The following RBL1 variants were observed in gnomAD, a reference collection of about 807,000 sequenced individuals.
RBL1 encodes retinoblastoma-like protein 1.
Under a neutral mutation model 123.0 loss-of-function variants are expected in RBL1, and 82 were observed. The observed-to-expected ratio is 0.67, with a 90% CI of 0.56 to 0.80. RBL1 has a LOEUF of 0.80. RBL1 is among the 30% of genes least tolerant of loss of function. RBL1 has a pLI of 0.00. For missense variants in RBL1, 1,171 were observed against 1,299.6 expected (o/e 0.90, Z 1.52); for synonymous variants, 405 against 441.3 (o/e 0.92, Z 1.03).
intron 2 of RBL1, among the ~76,000 whole-genome samples, chr20:37,069,571 C>T (rs903706624): frequency 4.8e-5 from 7 of 145,712 alleles, no homozygotes; most frequent in Non-Finnish European, 7.9e-5. Context: ...CCGGCCGCCC[C>T]GTCTGAGAAG....
chr20:37,034,967 T>C (rs1166004451), intron 15 of RBL1, among the ~76,000 whole-genome samples: 1 of 152,112 alleles, frequency 6.6e-6, no homozygotes, highest in Non-Finnish European at 1.5e-5. Flanking sequence ...TCATCAACTG[T>C]AACAAATGTA....
In RBL1 at chr20:36,998,931, T is replaced by C; in HGVS notation, c.3037-2A>G. 6.2e-7 allele frequency: 1 copy of C among 1,609,208 alleles called. No homozygotes were observed. The highest frequency in any genetic ancestry group is 8.5e-7 in the Non-Finnish European group (1 of 1,177,900). Reference sequence around the variant, plus strand: ...CATGTTGTTGATATCTTTCAAACTCTGTGCAGAAATAGAGAACGTGTGTGA... The same window carrying C: ...CATGTTGTTGATATCTTTCAAACTCCGTGCAGAAATAGAGAACGTGTGTGA... On this transcript the variant is annotated splice_acceptor_variant, in intron 21 of 21. Transcript: ENST00000373664. LOFTEE classifies it high-confidence loss of function.
chr20:37,014,791 A>G (rs890735778), intron 19 of RBL1, among the ~76,000 whole-genome samples: 1 of 145,010 alleles, frequency 6.9e-6, no homozygotes, highest in Non-Finnish European at 1.5e-5. Context: ...GGTCAGGTGC[A>G]GTGGCTGACG....
chr20:37,087,614 A>G (rs1222451253), intron 2 of RBL1, among the ~76,000 whole-genome samples: 1 of 152,174 alleles, frequency 6.6e-6, no homozygotes, highest in East Asian at 1.9e-4. Flanking sequence ...AATTAAAGAA[A>G]GGGACAAAGT....
At chr20:37,092,494 G>C (rs745637651) in intron 1 of RBL1, among the ~76,000 whole-genome samples, 14 of 152,038 alleles carry the variant, frequency 9.2e-5, no homozygotes, top group Non-Finnish European at 1.8e-4. Context: ...TTAGCCTCTG[G>C]AGTAGCTGGG....
chr20:37,028,167 C>T (rs746385705), intron 16 of RBL1, among the ~76,000 whole-genome samples: 3 of 152,078 alleles, frequency 2.0e-5, no homozygotes, highest in Non-Finnish European at 4.4e-5. Flanking sequence ...GAGTTTGAGA[C>T]CAGGCTGGCC....
intron 16 of RBL1, among the ~76,000 whole-genome samples, chr20:37,026,179 A>G (rs1454831427): frequency 6.6e-6 from 1 of 152,234 alleles, no homozygotes; most frequent in Non-Finnish European, 1.5e-5. Flanking sequence ...AAATAAATAG[A>G]TAATCACTAT....
intron 20 of RBL1, among the ~76,000 whole-genome samples, chr20:37,004,448 C>T (rs1568812518): frequency 1.3e-5 from 2 of 150,904 alleles, no homozygotes; most frequent in South Asian, 2.1e-4. Flanking sequence ...CACAGTGGCT[C>T]ACACCTGTAA....
chr20:37,068,483 C>T (rs2065220012), intron 2 of RBL1, among the ~76,000 whole-genome samples: 1 of 151,616 alleles, frequency 6.6e-6, no homozygotes, highest in South Asian at 2.1e-4. Context: ...AAGACACTGT[C>T]TTACATGAAC....
chr20:37,066,706 T>G lies in RBL1; in HGVS notation c.846+18A>C. On this transcript the variant is annotated intron_variant, in intron 6 of 21. Coordinates refer to ENST00000373664, the MANE Select transcript of RBL1 (RefSeq NM_002895.5). ...GTGATCTGTAAACATCTCAGTCATCTAATTATAAGTACAGTACCTTCCTGT... is the reference window on the plus strand; with the variant it reads ...GTGATCTGTAAACATCTCAGTCATCGAATTATAAGTACAGTACCTTCCTGT... 2 of 1,592,802 alleles carry G rather than the reference T, an allele frequency of 1.3e-6. No homozygotes were observed. Among genetic ancestry groups the G allele is most frequent in the Non-Finnish European group, 1.7e-6 (2 of 1,166,978 alleles).
intron 13 of RBL1, among the ~76,000 whole-genome samples, chr20:37,043,789 T>C (rs959763145): frequency 6.6e-6 from 1 of 152,204 alleles, no homozygotes; most frequent in African/African-American, 2.4e-5. Context: ...TCCATTTATA[T>C]GAAATGTCTA....
intron 8 of RBL1, 124 bp from the exon 9 acceptor site, chr20:37,061,393 C>T (rs952135617): frequency 1.5e-6 from 2 of 1,327,034 alleles, no homozygotes; most frequent in African/African-American, 1.5e-5. Flanking sequence ...TTTAGCAATA[C>T]TATGCTAATA....
intron 2 of RBL1, among the ~76,000 whole-genome samples, chr20:37,073,112 C>A (rs746835856): frequency 3.3e-5 from 5 of 152,096 alleles, no homozygotes; most frequent in African/African-American, 9.7e-5. Context: ...TGTGCCCCCA[C>A]ACCCAGCTAA....
chr20:37,079,379 G>A (rs2146322522), intron 2 of RBL1, among the ~76,000 whole-genome samples: 1 of 151,050 alleles, frequency 6.6e-6, no homozygotes, highest in Non-Finnish European at 1.5e-5. Context: ...ACTTAGTGAT[G>A]TTATCTGATT....
rs893728908 is a variant in RBL1 at position 37,007,276 on chromosome 20, C to T, written c.2871+135G>A. On this transcript the variant is annotated intron_variant, in intron 20 of 21. Coordinates refer to ENST00000373664, the MANE Select transcript of RBL1 (RefSeq NM_002895.5). ...GTCTCTGTTGTACCATAGCCTTAATCACTGATTAAGTTACTGGACATGCTC... is the reference window on the plus strand; with the variant it reads ...GTCTCTGTTGTACCATAGCCTTAATTACTGATTAAGTTACTGGACATGCTC... 47 of 909,840 alleles carry T rather than the reference C, an allele frequency of 5.2e-5. No homozygotes were observed. The Admixed American group carries it at 1.3e-3, about 24-fold the overall frequency. 56.4% of individuals were successfully genotyped at this position (909,840 alleles called of 1,614,324 possible).
chr20:37,077,005 C>T (rs1600589713), intron 2 of RBL1, among the ~76,000 whole-genome samples: 1 of 150,358 alleles, frequency 6.7e-6, no homozygotes, highest in Admixed American at 6.6e-5. Context: ...GGCACAATCG[C>T]GGCTCACTGC....
chr20:37,079,203 CAA>C (rs760548490), intron 2 of RBL1, among the ~76,000 whole-genome samples: 8 of 60,026 alleles, frequency 1.3e-4, no homozygotes, highest in Non-Finnish European at 1.3e-4. Context: ...CTGTCTCAGC[CAA>C]AAAAAAAAAA....
chr20:37,045,071 CATTTATTTACTT>C (rs1343819569), intron 12 of RBL1, among the ~76,000 whole-genome samples: 4 of 142,610 alleles, frequency 2.8e-5, no homozygotes, highest in Non-Finnish European at 4.6e-5. Context: ...TTAATATTCA[CATTTATTTACTT>C]ATTTATTTAT....
At chr20:37,030,341 G>A (rs970440283) in intron 16 of RBL1, among the ~76,000 whole-genome samples, 1 of 152,170 alleles carries the variant, frequency 6.6e-6, no homozygotes, top group African/African-American at 2.4e-5. Context: ...ATGGGAAAGG[G>A]CAGTCTTTCA....
Sources: allele counts gnomAD v4.1 joint callset (sites outside exome capture counted in the v4.1 genomes callset), GRCh38; gene constraint gnomAD v4.1.1; transcripts MANE v1.5; gene names NCBI Gene and HGNC (gene_info 2026-07-23, HGNC 2026-07-21).